COG5: variants seen among roughly 807,000 people sequenced by gnomAD.
COG5 encodes component of oligomeric golgi complex 5, also known as conserved oligomeric Golgi complex subunit 5.
COG5 carries 86 observed loss-of-function variants against 110.4 expected under a neutral mutation model. That is an observed-to-expected ratio of 0.78 (90% CI 0.65 to 0.93). COG5 has a LOEUF of 0.93. Among genes scored for constraint, COG5 ranks in the 40% least tolerant of loss-of-function variants. The pLI, the probability that COG5 is intolerant of heterozygous loss-of-function variation, is 0.00. For missense variants in COG5, 1,077 were observed against 987.0 expected, an observed-to-expected ratio of 1.09 and a Z score of -1.22; for synonymous variants, 360 against 334.6, an observed-to-expected ratio of 1.08 and a Z score of -0.83.
chr7:107,417,339 T>C (rs1242248554), intron 6 of COG5, among the ~76,000 whole-genome samples: 1 of 152,196 alleles, frequency 6.6e-6, no homozygotes, highest in Non-Finnish European at 1.5e-5. Context: ...GTAATTATAC[T>C]TATTTACAAT....
chr7:107,392,126 C>G (rs531078804), intron 7 of COG5, among the ~76,000 whole-genome samples: 1 of 152,106 alleles, frequency 6.6e-6, no homozygotes, highest in African/African-American at 2.4e-5. Flanking sequence ...TCAGCAATAC[C>G]ACGTTGATCA....
chr7:107,292,523 C>T (rs543747641), intron 12 of COG5, among the ~76,000 whole-genome samples: 6 of 152,282 alleles, frequency 3.9e-5, no homozygotes, highest in African/African-American at 1.4e-4. Context: ...GAGCCCATGT[C>T]CTTATACAAA....
chr7:107,557,309 A>C (rs140173002), intron 2 of COG5, among the ~76,000 whole-genome samples: 257 of 152,258 alleles, frequency 1.7e-3, no homozygotes, highest in African/African-American at 5.9e-3. Context: ...ATACCTACTC[A>C]ATCAAAGGCA....
intron 6 of COG5, among the ~76,000 whole-genome samples, chr7:107,462,927 T>C (rs1796088389): frequency 6.6e-6 from 1 of 152,198 alleles, no homozygotes; most frequent in South Asian, 2.1e-4. Context: ...ACCTGAAGGT[T>C]AGGCTATTGG....
chr7:107,446,960 A>T (rs1795040269), intron 6 of COG5, among the ~76,000 whole-genome samples: 1 of 152,200 alleles, frequency 6.6e-6, no homozygotes. Context: ...CAGTGGGCTC[A>T]ATTGGCTTTT....
chr7:107,416,448 A>G (rs549311564), intron 6 of COG5, among the ~76,000 whole-genome samples: 21 of 152,152 alleles, frequency 1.4e-4, no homozygotes, highest in Non-Finnish European at 2.6e-4. Context: ...ACTAAATGAT[A>G]TATTATTTGG....
intron 21 of COG5, among the ~76,000 whole-genome samples, chr7:107,206,394 T>C (rs1388844739): frequency 6.6e-6 from 1 of 152,230 alleles, no homozygotes; most frequent in Non-Finnish European, 1.5e-5. Flanking sequence ...TTTTGTGAGA[T>C]GCCTTAGTTA....
intron 12 of COG5, among the ~76,000 whole-genome samples, chr7:107,297,594 G>A (rs888122400): frequency 7.9e-5 from 12 of 151,756 alleles, no homozygotes; most frequent in African/African-American, 2.7e-4. Context: ...GATTACAGGC[G>A]AGCGCCACCA....
Position 107,203,616 on chromosome 7 carries a change from G to T in COG5, c.2390C>A (p.Ala797Asp). 6.2e-7 allele frequency: 1 copy of T among 1,613,078 alleles called. No individual in the cohort carries two copies. The highest frequency in any genetic ancestry group is 2.2e-5 in the East Asian group (1 of 44,856). Reference sequence around the variant, plus strand: ...TCTACTTCTCACTGATTGAACATAAGCTTCCAGGGCTCCCCTGAAAACCAA... The same window carrying T: ...TCTACTTCTCACTGATTGAACATAATCTTCCAGGGCTCCCCTGAAAACCAA... ...RLLLIRGALE[A>D]YVQSVRSREG... Residue 797 changes from alanine to aspartate, a missense_variant, in exon 22 of 22, where the codon GCT becomes GAT. Transcript: ENST00000297135.
At chr7:107,384,513 T>A (rs896562790) in intron 7 of COG5, among the ~76,000 whole-genome samples, 1 of 152,152 alleles carries the variant, frequency 6.6e-6, no homozygotes, top group Non-Finnish European at 1.5e-5. Flanking sequence ...GAGGCCCTGT[T>A]TTCCCCCTTT....
At chr7:107,508,598 AC>A (rs1442210796) in intron 6 of COG5, among the ~76,000 whole-genome samples, 1 of 152,032 alleles carries the variant, frequency 6.6e-6, no homozygotes, top group Non-Finnish European at 1.5e-5. Flanking sequence ...TGGGTCCGTG[AC>A]CCCCGAGCAG....
chr7:107,263,894 A>C (rs908444960), intron 14 of COG5, among the ~76,000 whole-genome samples: 8 of 152,208 alleles, frequency 5.3e-5, no homozygotes, highest in Non-Finnish European at 8.8e-5. Flanking sequence ...CCTAATCATC[A>C]TGCCTGAGGA....
intron 5 of COG5, among the ~76,000 whole-genome samples, chr7:107,538,495 C>A (rs1220446449): frequency 1.3e-5 from 2 of 152,102 alleles, no homozygotes; most frequent in Non-Finnish European, 2.9e-5. Context: ...CTCTGAACAT[C>A]ACTATTTGTG....
chr7:107,517,661 C>G (rs1400925719), intron 6 of COG5, among the ~76,000 whole-genome samples: 2 of 150,856 alleles, frequency 1.3e-5, no homozygotes, highest in Non-Finnish European at 2.9e-5. Flanking sequence ...AGCAGAAACT[C>G]TACAAGCCAG....
intron 6 of COG5, among the ~76,000 whole-genome samples, chr7:107,420,703 C>T (rs996483360): frequency 8.5e-5 from 13 of 152,188 alleles, no homozygotes; most frequent in African/African-American, 2.9e-4. Flanking sequence ...CGTCGTGATC[C>T]ACCCGCCTCG....
intron 10 of COG5, among the ~76,000 whole-genome samples, chr7:107,353,398 C>A (rs1812342453): frequency 1.5e-5 from 2 of 137,684 alleles, no homozygotes; most frequent in Non-Finnish European, 3.0e-5. Context: ...GCACTCCAGC[C>A]TGGGCGACAG....
At chr7:107,429,116 A>C (rs2129078457) in intron 6 of COG5, among the ~76,000 whole-genome samples, 1 of 152,356 alleles carries the variant, frequency 6.6e-6, no homozygotes, top group South Asian at 2.1e-4. Context: ...AAGTAACAGA[A>C]TATTACTAAG....
At chr7:107,408,647 T>A (rs759585231) in intron 7 of COG5, among the ~76,000 whole-genome samples, 13 of 152,228 alleles carry the variant, frequency 8.5e-5, no homozygotes, top group African/African-American at 3.1e-4. Flanking sequence ...AGCTTGGTCA[T>A]AGAGTGTTTG....
At chr7:107,348,468 T>C (rs1811835864) in intron 10 of COG5, among the ~76,000 whole-genome samples, 1 of 152,196 alleles carries the variant, frequency 6.6e-6, no homozygotes, top group Non-Finnish European at 1.5e-5. Flanking sequence ...TGAATTTCTT[T>C]AAAGGCTACA....
Sources: gnomAD v4.1 joint callset for allele counts (sites outside exome capture counted in the v4.1 genomes callset) on GRCh38, gnomAD v4.1.1 for gene constraint, MANE v1.5 for transcripts, NCBI Gene and HGNC (gene_info 2026-07-23, HGNC 2026-07-21) for gene names.